Variants in SYNJ2 observed in about 807,000 individuals in gnomAD.
The protein encoded by SYNJ2 is polyphosphatidylinositol phosphatase SYNJ2.
Under a neutral mutation model 141.3 loss-of-function variants are expected in SYNJ2, and 116 were observed. That is an observed-to-expected ratio of 0.82 (90% CI 0.71 to 0.96). SYNJ2 has a LOEUF of 0.96. Ranked by LOEUF, SYNJ2 falls within the 40% of genes least tolerant of loss-of-function variation. SYNJ2 has a pLI of 0.00. For synonymous variants in SYNJ2, 745 were observed against 777.7 expected, an observed-to-expected ratio of 0.96 and a Z score of 0.70; for missense variants, 1,873 against 1,934.8, an observed-to-expected ratio of 0.97 and a Z score of 0.60.
Position 158,068,745 on chromosome 6 carries a change from G to A in SYNJ2, c.1799+17G>A. 6.2e-7 allele frequency: 1 copy of A among 1,613,692 alleles called. No homozygotes were observed. Among genetic ancestry groups the A allele is most frequent in the Non-Finnish European group, 8.5e-7 (1 of 1,179,838 alleles). On this transcript the variant is annotated intron_variant, in intron 13 of 26. Transcript: ENST00000355585. ...CAATGCCAGGTAAGGGGCCAGGTGT[G>A]CGGGGCCAGGCAGGGACTTCCTGAG...
chr6:158,018,580 C>G (rs1778595894), intron 2 of SYNJ2, among the ~76,000 whole-genome samples: 1 of 152,204 alleles, frequency 6.6e-6, no homozygotes, highest in African/African-American at 2.4e-5. Context: ...GAATGTTTTT[C>G]CCTGAACTGT....
intron 23 of SYNJ2, among the ~76,000 whole-genome samples, chr6:158,087,325 T>C (rs927838571): frequency 1.3e-5 from 2 of 152,162 alleles, no homozygotes; most frequent in East Asian, 3.9e-4. Flanking sequence ...GTCAGAAGTC[T>C]CTCCTCAGCT....
chr6:158,037,551 G>A (rs1013971461), intron 4 of SYNJ2, among the ~76,000 whole-genome samples: 8 of 151,722 alleles, frequency 5.3e-5, no homozygotes, highest in Admixed American at 3.9e-4. Flanking sequence ...ACAGGCGCCC[G>A]CCACCACGCC....
At chr6:157,994,006 G>A (rs1424106771) in intron 1 of SYNJ2, among the ~76,000 whole-genome samples, 4 of 151,322 alleles carry the variant, frequency 2.6e-5, no homozygotes, top group African/African-American at 4.9e-5. Flanking sequence ...TAGTAGAGAC[G>A]GGGTTTCACC....
intron 26 of SYNJ2, among the ~76,000 whole-genome samples, chr6:158,094,809 C>T (rs1487702186): frequency 1.3e-5 from 2 of 152,168 alleles, no homozygotes; most frequent in Non-Finnish European, 1.5e-5. Context: ...GAACCAGAAC[C>T]AAGGCAGTGT....
intron 6 of SYNJ2, among the ~76,000 whole-genome samples, chr6:158,058,300 C>T (rs964183953): frequency 1.3e-5 from 2 of 152,090 alleles, no homozygotes; most frequent in Non-Finnish European, 2.9e-5. Context: ...TGTATCATTT[C>T]CCTATGTTTT....
At chr6:157,993,271 T>C (rs150146158) in intron 1 of SYNJ2, among the ~76,000 whole-genome samples, 19 of 152,358 alleles carry the variant, frequency 1.2e-4, no homozygotes, top group Non-Finnish European at 2.6e-4. Context: ...TTTGCCTTTT[T>C]CTGACGATCA....
At position 158,089,964 on chromosome 6, in the gene SYNJ2, G is replaced by A. The variant is rs1168120926; in HGVS notation, c.3565+17G>A. 1.3e-6 allele frequency: 2 copies of A among 1,582,388 alleles called. No homozygotes were observed. The highest frequency in any genetic ancestry group is 2.7e-5 in the African/African-American group (2 of 74,226). On this transcript the variant is annotated intron_variant, in intron 25 of 26. Transcript: ENST00000355585. Reference sequence around the variant, plus strand: ...CCAGAGGAGGTAGGTGCTTTCCTGGGGGCAGGGGAAAAACCAATTCTCCTT... The same window carrying A: ...CCAGAGGAGGTAGGTGCTTTCCTGGAGGCAGGGGAAAAACCAATTCTCCTT...
chr6:158,000,248 A>T (rs6899310), intron 1 of SYNJ2, among the ~76,000 whole-genome samples: 64,207 of 151,506 alleles, frequency 0.42, 15,457 homozygotes, highest in African/African-American at 0.67. Flanking sequence ...TTTCTCCTAG[A>T]GACAGACAGG....
In SYNJ2 at chr6:158,027,200, G is replaced by A; in HGVS notation, c.215-1556G>A. 1.0e-6 allele frequency: 1 copy of A among 985,068 alleles called. No individual in the cohort carries two copies. 61.0% of individuals were successfully genotyped at this position (985,068 alleles called of 1,614,324 possible). ...TTGGGGTGAGAGGGTGGTGGAACTG[G>A]TTGTTTTGGGGGTCTCTTCCTGGAG... On this transcript the variant is annotated intron_variant, in intron 2 of 26. Coordinates refer to ENST00000355585, the MANE Select transcript of SYNJ2 (RefSeq NM_003898.4). The surrounding 1 kb of genome is among the most constrained non-coding windows in gnomAD (Gnocchi z 4.6).
In SYNJ2 at chr6:158,089,931, C is replaced by A; in HGVS notation, c.3549C>A (p.Leu1183=). ...AQEAEAAIRC[L]LEARGGASEE... Reference sequence around the variant, plus strand: ...AGGCAGAAGCAGCAATCCGGTGTCTCCTGGAAGCCAGAGGAGGTAGGTGCT... The same window carrying A: ...AGGCAGAAGCAGCAATCCGGTGTCTACTGGAAGCCAGAGGAGGTAGGTGCT... The change falls in exon 25 of 27, where the codon CTC becomes CTA. Residue 1183 remains leucine (L), a synonymous_variant. Coordinates refer to ENST00000355585, the MANE Select transcript of SYNJ2 (RefSeq NM_003898.4). The A allele has an allele frequency of 6.2e-7, 1 of 1,613,964 alleles. No individual in the cohort carries two copies. Among genetic ancestry groups the A allele is most frequent in the Non-Finnish European group, 8.5e-7 (1 of 1,179,884 alleles).
intron 1 of SYNJ2, among the ~76,000 whole-genome samples, chr6:158,013,674 C>T (rs556009432): frequency 6.3e-4 from 96 of 152,320 alleles, no homozygotes; most frequent in Non-Finnish European, 1.2e-3. Flanking sequence ...CTCATAGACA[C>T]CAGCAGAGTG....
chr6:157,981,813 G>A, upstream of SYNJ2: 1 of 662,908 alleles, frequency 1.5e-6, no homozygotes, highest in Non-Finnish European at 2.1e-6. This position sits in a 1 kb window ranked among gnomAD's most constrained non-coding sequence, Gnocchi z 6.4. Context: ...GAGGAGGAAG[G>A]GGAGGAGGCC....
rs1783861479 is a variant in SYNJ2 at position 158,097,691 on chromosome 6, C to T, written c.*1327C>T. On this transcript the variant is annotated 3_prime_UTR_variant, in exon 27 of 27. Transcript: ENST00000355585. ...AAGGATCATCTTGCCTGGGCTATGCCACTGTCTTGTTACCAATTAGACATC... is the reference window on the plus strand; with the variant it reads ...AAGGATCATCTTGCCTGGGCTATGCTACTGTCTTGTTACCAATTAGACATC... 1 of 152,180 alleles carries T rather than the reference C, an allele frequency of 6.6e-6. No individual in the cohort carries two copies. Among genetic ancestry groups the T allele is most frequent in the Non-Finnish European group, 1.5e-5 (1 of 68,038 alleles). 9.4% of individuals were successfully genotyped at this position (152,180 alleles called of 1,614,324 possible).
intron 11 of SYNJ2, among the ~76,000 whole-genome samples, chr6:158,066,193 T>A (rs915694146): frequency 6.6e-6 from 1 of 152,026 alleles, no homozygotes; most frequent in African/African-American, 2.4e-5. Flanking sequence ...CTGGCTTCAG[T>A]TGGGGGTAGG....
At chr6:158,025,740 G>T (rs113135868) in intron 2 of SYNJ2, among the ~76,000 whole-genome samples, 4,212 of 152,170 alleles carry the variant, frequency 0.028, 201 homozygotes, top group African/African-American at 0.097. Context: ...ATCACCTGAG[G>T]TCGGGAGTTT....
Position 158,071,790 on chromosome 6 carries a change from C to T in SYNJ2, c.2129C>T (p.Pro710Leu). ...GAGATCACCCAGAAACTCTGCTTCC[C>T]AATGGTGAGCGGCGCCGTGGGGACA... is the stretch of plus-strand genomic sequence containing the variant. Reference protein sequence around the residue: ...YKEITQKLCFPMGRNVFSHDY... With the variant: ...YKEITQKLCFLMGRNVFSHDY... The change falls in exon 15 of 27, where the codon CCA becomes CTA. Residue 710 changes from proline (P) to leucine (L), a missense_variant. Transcript: ENST00000355585. The surrounding 1 kb of genome is among the most constrained non-coding windows in gnomAD (Gnocchi z 4.3). The T allele has an allele frequency of 6.2e-7, 1 of 1,613,026 alleles. No homozygotes were observed. Among genetic ancestry groups the T allele is most frequent in the South Asian group, 1.1e-5 (1 of 91,058 alleles).
chr6:158,076,111 C>G (rs1782268181), intron 16 of SYNJ2, among the ~76,000 whole-genome samples: 1 of 152,118 alleles, frequency 6.6e-6, no homozygotes, highest in African/African-American at 2.4e-5. Context: ...TCACATGAGC[C>G]CCAGAGGTTG....
intron 1 of SYNJ2, among the ~76,000 whole-genome samples, chr6:157,993,501 G>A (rs1017062290): frequency 2.6e-5 from 4 of 152,006 alleles, no homozygotes; most frequent in African/African-American, 9.7e-5. Flanking sequence ...TCACTTTGTT[G>A]ATTGTTTCCT....
Sources: gnomAD v4.1 joint callset for allele counts (sites outside exome capture counted in the v4.1 genomes callset) on GRCh38, gnomAD v4.1.1 for gene constraint, Gnocchi (gnomAD v3.1) non-coding constraint, MANE v1.5 for transcripts, NCBI Gene and HGNC (gene_info 2026-07-23, HGNC 2026-07-21) for gene names.